Variants in FAT3 observed in about 807,000 individuals in gnomAD.
FAT3 encodes protocadherin Fat 3.
A neutral mutation model predicts 310.2 loss-of-function variants in FAT3; 95 were observed. That is an observed-to-expected ratio of 0.31 (90% confidence interval 0.26 to 0.36). FAT3 has a LOEUF of 0.36. Among genes scored for constraint, FAT3 ranks in the 10% least tolerant of loss-of-function variants. The probability of loss-of-function intolerance (pLI) is 1.00; values close to 1 mark genes in which losing one functional copy is unlikely to be tolerated. For missense variants in FAT3, 5,408 were observed against 5,715.6 expected, an observed-to-expected ratio of 0.95 and a Z score of 1.74; for synonymous variants, 2,314 against 2,192.9, an observed-to-expected ratio of 1.06 and a Z score of -1.54.
intron 6 of FAT3, among the ~76,000 whole-genome samples, chr11:92,766,269 G>C (rs1040583406): frequency 5.9e-5 from 9 of 152,200 alleles, no homozygotes; most frequent in African/African-American, 1.7e-4. Flanking sequence ...AAACAGAGGG[G>C]AGAGTGTGTG....
At chr11:92,500,585 A>T (rs1565364880) in intron 2 of FAT3, among the ~76,000 whole-genome samples, 2 of 152,000 alleles carry the variant, frequency 1.3e-5, no homozygotes, top group Non-Finnish European at 2.9e-5. Context: ...CCTTCTTGGA[A>T]GTTTTCCCAT....
At chr11:92,642,976 G>A (rs1215751819) in intron 3 of FAT3, among the ~76,000 whole-genome samples, 1 of 152,206 alleles carries the variant, frequency 6.6e-6, no homozygotes, top group Admixed American at 6.5e-5. Context: ...TAGTGACCCT[G>A]TGAGGTAATA....
chr11:92,876,519 A>T lies in FAT3; in HGVS notation c.12128-4212A>T, dbSNP rs114413998. 8.5e-3 allele frequency among the ~76,000 whole-genome samples: 1,297 copies of T among 152,216 alleles called. 21 individuals carry two copies. The highest frequency in any genetic ancestry group is 0.029 in the African/African-American group (1,221 of 41,522). ...GCATCAACAATGGCCTTTCCTTAGG[A>T]GCTCCTTGGTCTTTCCTTGGCTTTG... On this transcript the variant is annotated intron_variant, in intron 22 of 27. Transcript: ENST00000525166.
intron 1 of FAT3, among the ~76,000 whole-genome samples, chr11:92,347,886 G>A (rs959171308): frequency 6.6e-6 from 1 of 152,114 alleles, no homozygotes; most frequent in Non-Finnish European, 1.5e-5. Context: ...ATAAATCAAT[G>A]TGCAGAGCAT....
chr11:92,843,822 TGAAG>T, intron 18 of FAT3, 108 bp from the exon 19 acceptor site: 2 of 1,024,724 alleles, frequency 2.0e-6, no homozygotes. Flanking sequence ...TGGCAAGGAA[TGAAG>T]GAAGAAGCAA....
Position 92,355,283 on chromosome 11 carries a change from C to T in FAT3, c.3171C>T (p.Arg1057=), listed in dbSNP as rs771247450. Residue 1057 remains arginine, a synonymous_variant, in exon 2 of 28, where the codon CGC becomes CGT. Coordinates refer to ENST00000525166, the MANE Select transcript of FAT3 (RefSeq NM_001367949.2). ...AVVGSVKENS[R]IGTSVLQVTA... is the part of the protein sequence containing the mutation. ...TTGGATCTGTAAAGGAAAACTCACG[C>T]ATTGGAACAAGCGTGCTGCAGGTGA... 4.3e-6 allele frequency: 7 copies of T among 1,613,684 alleles called. No homozygotes were observed. In the East Asian group the frequency reaches 1.1e-4, roughly 26 times the overall value.
At chr11:92,488,895 C>A (rs1952513704) in intron 2 of FAT3, among the ~76,000 whole-genome samples, 1 of 152,082 alleles carries the variant, frequency 6.6e-6, no homozygotes, top group Non-Finnish European at 1.5e-5. Flanking sequence ...CTTTCTATGT[C>A]TCCATTTCCT....
At chr11:92,682,514 A>T (rs1285339392) in intron 3 of FAT3, among the ~76,000 whole-genome samples, 1 of 152,238 alleles carries the variant, frequency 6.6e-6, no homozygotes, top group African/African-American at 2.4e-5. Context: ...TTGGATGCAG[A>T]GCCAACGTAA....
Position 92,329,307 on chromosome 11 carries a change from G to A in FAT3, c.-17-22789G>A, listed in dbSNP as rs1384586485. ...TGCCCTCCCTCCGAGATGAGTGAGT[G>A]TTTGCTCTGTTTGTTTCTAGGAGAG... is the stretch of plus-strand genomic sequence containing the variant. On this transcript the variant is annotated intron_variant, in intron 1 of 27. Coordinates refer to ENST00000525166, the MANE Select transcript of FAT3 (RefSeq NM_001367949.2). 3.3e-5 allele frequency among the ~76,000 whole-genome samples: 5 copies of A among 152,054 alleles called. No individual in the cohort carries two copies. In the East Asian group the frequency reaches 9.7e-4, roughly 30 times the overall value.
At chr11:92,853,890 G>T (rs867486401) in intron 19 of FAT3, among the ~76,000 whole-genome samples, 1 of 152,154 alleles carries the variant, frequency 6.6e-6, no homozygotes, top group East Asian at 1.9e-4. Context: ...GGAATACCTG[G>T]AACTGACAGC....
intron 3 of FAT3, among the ~76,000 whole-genome samples, chr11:92,621,095 G>T (rs975941950): frequency 1.3e-5 from 2 of 152,100 alleles, no homozygotes; most frequent in Non-Finnish European, 2.9e-5. Flanking sequence ...GGTTGGGAGG[G>T]ACACAAACAT....
At chr11:92,430,958 C>T (rs1950755150) in intron 2 of FAT3, among the ~76,000 whole-genome samples, 1 of 152,110 alleles carries the variant, frequency 6.6e-6, no homozygotes, top group African/African-American at 2.4e-5. Context: ...GTGAATAGTG[C>T]CGCAATAAAC....
chr11:92,697,467 A>G, intron 4 of FAT3, 22 bp downstream of exon 4: 1 of 1,612,116 alleles, frequency 6.2e-7, no homozygotes, highest in Non-Finnish European at 8.5e-7. Context: ...GAGGGAACTG[A>G]AATTCATTAA....
At chr11:92,443,588 G>GACT (rs1356400944) in intron 2 of FAT3, among the ~76,000 whole-genome samples, 1 of 152,190 alleles carries the variant, frequency 6.6e-6, no homozygotes, top group African/African-American at 2.4e-5. Context: ...AAGTCGCCAA[G>GACT]ACTAGTCTGG....
chr11:92,591,450 A>G (rs545180108), intron 3 of FAT3, among the ~76,000 whole-genome samples: 2 of 152,316 alleles, frequency 1.3e-5, no homozygotes, highest in South Asian at 4.1e-4. Context: ...ATGTATTTAT[A>G]TATTTCTGTT....
chr11:92,837,755 G>A lies in FAT3; in HGVS notation c.10317G>A (p.Val3439=), dbSNP rs1471437423. 3.7e-6 allele frequency: 6 copies of A among 1,613,992 alleles called. No homozygotes were observed. Among genetic ancestry groups the A allele is most frequent in the Non-Finnish European group, 5.1e-6 (6 of 1,179,894 alleles). Residue 3439 remains valine (V), a synonymous_variant, in exon 17 of 28, where the codon GTG becomes GTA. Coordinates refer to ENST00000525166, the MANE Select transcript of FAT3 (RefSeq NM_001367949.2). ...CTGTCAACATTGATATTTCTGATGT[G>A]AATGACAACAGCCCGGTGTTTACAC... is the stretch of plus-strand genomic sequence containing the variant. ...TATVNIDISD[V]NDNSPVFTPA... is the part of the protein sequence containing the mutation.
chr11:92,398,653 G>A lies in FAT3; in HGVS notation c.3292+43249G>A, dbSNP rs142950705. Among the ~76,000 whole-genome samples, 40 of 152,110 alleles carry A rather than the reference G, an allele frequency of 2.6e-4. No homozygotes were observed. The East Asian group carries it at 7.6e-3, about 29-fold the overall frequency. On this transcript the variant is annotated intron_variant, in intron 2 of 27. Transcript: ENST00000525166. Reference sequence around the variant, plus strand: ...TCACATTCTGACATATACTTGGGTGGGGGATACCTACCCAGCTAGGGCTCC... The same window carrying A: ...TCACATTCTGACATATACTTGGGTGAGGGATACCTACCCAGCTAGGGCTCC...
intron 5 of FAT3, 45 bp downstream of exon 5, chr11:92,762,215 G>C: frequency 6.5e-7 from 1 of 1,536,066 alleles, no homozygotes; most frequent in Non-Finnish European, 8.8e-7. Context: ...GGGGGGAAGT[G>C]GTTATGTTCT....
chr11:92,344,597 A>T (rs983911936), intron 1 of FAT3, among the ~76,000 whole-genome samples: 27 of 152,192 alleles, frequency 1.8e-4, no homozygotes, highest in Admixed American at 1.7e-3. Flanking sequence ...AAAGAAAAAA[A>T]TGCTGAGATT....
Sources: allele counts gnomAD v4.1 joint callset (sites outside exome capture counted in the v4.1 genomes callset), GRCh38; gene constraint gnomAD v4.1.1; transcripts MANE v1.5; gene names NCBI Gene and HGNC (gene_info 2026-07-23, HGNC 2026-07-21).